The following RAPGEF2 variants were observed in gnomAD, a reference collection of about 807,000 sequenced individuals.
RAPGEF2 encodes the protein Rap guanine nucleotide exchange factor 2, also known as PDZ domain containing guanine nucleotide exchange factor (GEF) 1.
Under a neutral mutation model 186.7 loss-of-function variants are expected in RAPGEF2, and 54 were observed. The ratio of observed to expected loss-of-function variants is 0.29; its 90% CI spans 0.23 to 0.36. The LOEUF is 0.36. Ranked by LOEUF, RAPGEF2 falls within the 10% of genes least tolerant of loss-of-function variation. The probability of loss-of-function intolerance (pLI) is 1.00; values close to 1 mark genes in which losing one functional copy is unlikely to be tolerated. For synonymous variants in RAPGEF2, 712 were observed against 705.9 expected, an observed-to-expected ratio of 1.01 and a Z score of -0.14; for missense variants, 1,532 against 2,045.0, an observed-to-expected ratio of 0.75 and a Z score of 4.84.
intron 3 of RAPGEF2, among the ~76,000 whole-genome samples, chr4:159,203,382 AGAG>A (rs1015084243): frequency 2.0e-5 from 3 of 152,198 alleles, no homozygotes; most frequent in African/African-American, 7.2e-5. Context: ...CTTAAGAGTT[AGAG>A]GAGTTTAAAA....
intron 7 of RAPGEF2, among the ~76,000 whole-genome samples, chr4:159,246,303 T>G (rs1331167444): frequency 2.6e-5 from 4 of 152,138 alleles, no homozygotes; most frequent in African/African-American, 9.7e-5. Context: ...GAATGCCATA[T>G]AATATTAAAC....
At position 159,355,835 on chromosome 4, in the gene RAPGEF2, G is replaced by A. The variant is rs747074965; in HGVS notation, c.4652-18G>A. ...GCATGAACTAGTTTTTAATGCTGGT[G>A]CATTGTTTCTACTCTAGCACGAAAG... is the stretch of plus-strand genomic sequence containing the variant. On this transcript the variant is annotated intron_variant, in intron 28 of 29. Transcript: ENST00000691494. The A allele has an allele frequency of 1.4e-5, 21 of 1,528,930 alleles. No individual in the cohort carries two copies. The highest frequency in any genetic ancestry group is 1.1e-4 in the South Asian group (9 of 82,764). 94.7% of individuals were successfully genotyped at this position (1,528,930 alleles called of 1,614,324 possible).
chr4:159,323,343 C>G (rs989989632), intron 10 of RAPGEF2, 116 bp from the exon 11 acceptor site: 35 of 807,350 alleles, frequency 4.3e-5, no homozygotes, highest in African/African-American at 2.1e-4. Context: ...ACTTGAGTTA[C>G]TTGTTTTATC....
Position 159,358,229 on chromosome 4 carries a change from T to G in RAPGEF2, c.*90T>G, listed in dbSNP as rs1732331159. On this transcript the variant is annotated 3_prime_UTR_variant, in exon 30 of 30. Coordinates refer to ENST00000691494, the MANE Select transcript of RAPGEF2 (RefSeq NM_001394067.2). ...CATTGGAGCCTTGGAACTCACATTC[T>G]GAGGACGGTGGACCAGTTTGCCTCC... 1 of 1,363,950 alleles carries G rather than the reference T, an allele frequency of 7.3e-7. No homozygotes were observed. Among genetic ancestry groups the G allele is most frequent in the African/African-American group, 1.5e-5 (1 of 68,626 alleles). The allele number at this position is 1,363,950 out of a possible 1,614,324, so 84.5% of individuals were successfully genotyped here.
At chr4:159,202,496 G>A (rs966044771) in intron 3 of RAPGEF2, among the ~76,000 whole-genome samples, 1 of 152,142 alleles carries the variant, frequency 6.6e-6, no homozygotes, top group African/African-American at 2.4e-5. Context: ...TGAGCTGATG[G>A]TCTTCTAGGA....
intron 7 of RAPGEF2, among the ~76,000 whole-genome samples, chr4:159,254,225 A>G (rs1006569687): frequency 3.3e-5 from 5 of 152,350 alleles, no homozygotes; most frequent in Middle Eastern, 6.8e-3. Context: ...ATTGGTAATA[A>G]CAGTAGTTAC....
intron 1 of RAPGEF2, among the ~76,000 whole-genome samples, chr4:159,177,056 A>G (rs1746512615): frequency 6.6e-6 from 1 of 152,214 alleles, no homozygotes; most frequent in Admixed American, 6.5e-5. Flanking sequence ...AATCTTAAGG[A>G]TATGAGATTT....
chr4:159,225,483 A>AT (rs1218818213), intron 4 of RAPGEF2, among the ~76,000 whole-genome samples: 1 of 152,152 alleles, frequency 6.6e-6, no homozygotes, highest in Non-Finnish European at 1.5e-5. Context: ...GCTTTCCTTA[A>AT]TGTCTTGGAA....
intron 1 of RAPGEF2, among the ~76,000 whole-genome samples, chr4:159,168,735 AG>A (rs1745594437): frequency 6.6e-6 from 1 of 152,296 alleles, no homozygotes; most frequent in South Asian, 2.1e-4. Flanking sequence ...TATGCGTAGG[AG>A]GTACTCAGTA....
Position 159,307,850 on chromosome 4 carries a change from A to G in RAPGEF2, c.675+3377A>G, listed in dbSNP as rs138543237. ...GCCAGGTGTAGTGGTGCATGCCTAT[A>G]GTCCCAGCTACTCGGGAGGCTGAGG... On this transcript the variant is annotated intron_variant, in intron 8 of 29. Coordinates refer to ENST00000691494, the MANE Select transcript of RAPGEF2 (RefSeq NM_001394067.2). 3.2e-3 allele frequency among the ~76,000 whole-genome samples: 484 copies of G among 152,260 alleles called. 4 individuals carry two copies. Among genetic ancestry groups the G allele is most frequent in the African/African-American group, 0.011 (467 of 41,556 alleles).
intron 4 of RAPGEF2, among the ~76,000 whole-genome samples, chr4:159,214,359 GGCATCATTT>G (rs1750810038): frequency 2.0e-5 from 3 of 152,146 alleles, no homozygotes; most frequent in African/African-American, 7.2e-5. Context: ...TATTTTCAAA[GGCATCATTT>G]GCAACAGCTG....
chr4:159,197,360 T>A (rs1248212162), intron 3 of RAPGEF2, among the ~76,000 whole-genome samples: 1 of 152,192 alleles, frequency 6.6e-6, no homozygotes. Flanking sequence ...GTTTAATATA[T>A]AATTACATTT....
rs9993019 is a variant in RAPGEF2, at chr4:159,208,076, G to A, written c.198-2424G>A. Among the ~76,000 whole-genome samples, 1,257 of 152,172 alleles carry A rather than the reference G, an allele frequency of 8.3e-3. 16 individuals are homozygous for A. The highest frequency in any genetic ancestry group is 0.028 in the African/African-American group (1,183 of 41,510). ...CTGAACTCTTTGACAGTGCTTTTCC[G>A]TTATGTTTTCTTGAGGCATTGCTGT... On this transcript the variant is annotated intron_variant, in intron 3 of 29. Transcript: ENST00000691494.
At position 159,259,952 on chromosome 4, in the gene RAPGEF2, T is replaced by TCTAAA. The variant is rs574394470; in HGVS notation, c.543+16164_543+16165insAACTA. ...TTTTAAGGATGTTAAGAAGAAAACT[T>TCTAAA]CTATTGTCCTATTATCACTGTAGTT... On this transcript the variant is annotated intron_variant, in intron 7 of 29. Coordinates refer to ENST00000691494, the MANE Select transcript of RAPGEF2 (RefSeq NM_001394067.2). 3.5e-3 allele frequency among the ~76,000 whole-genome samples: 539 copies of TCTAAA among 152,188 alleles called. 4 individuals are homozygous for TCTAAA. The highest frequency in any genetic ancestry group is 0.012 in the African/African-American group (514 of 41,538).
In RAPGEF2 at chr4:159,218,099, A is replaced by G. The variant is rs370246344; in HGVS notation, c.281+7516A>G. Among the ~76,000 whole-genome samples, 51 of 152,320 alleles carry G rather than the reference A, an allele frequency of 3.3e-4. 1 individual carries two copies. In the South Asian group the frequency reaches 9.9e-3, roughly 30 times the overall value. ...TATGGCATTTTAAAAATAACTCACT[A>G]GTGAATTCTGTTACAGAAGGGTAAC... On this transcript the variant is annotated intron_variant, in intron 4 of 29. Transcript: ENST00000691494.
chr4:159,231,316 A>G (rs1752614351), intron 4 of RAPGEF2, among the ~76,000 whole-genome samples: 1 of 152,122 alleles, frequency 6.6e-6, no homozygotes, highest in South Asian at 2.1e-4. Context: ...TTCCCAGAAC[A>G]TATCTCCATT....
At chr4:159,131,519 A>ATTGTTTTTTTTTTTTTTTTTTTTTTTT in intron 1 of RAPGEF2, among the ~76,000 whole-genome samples, 4 of 37,212 alleles carry the variant, frequency 1.1e-4, no homozygotes, top group African/African-American at 2.4e-4. Context: ...ATTAATTGCT[A>ATTGTTTTTTTTTTTTTTTTTTTTTTTT]TTTTTTTTTT....
intron 4 of RAPGEF2, among the ~76,000 whole-genome samples, chr4:159,225,278 T>G (rs1751914293): frequency 1.3e-5 from 2 of 152,230 alleles, no homozygotes; most frequent in Non-Finnish European, 2.9e-5. Context: ...CAGAGTTGTC[T>G]CATGGTCTAT....
intron 11 of RAPGEF2, chr4:159,327,123 T>C (rs1766032132): frequency 6.6e-6 from 1 of 152,250 alleles, no homozygotes; most frequent in South Asian, 2.1e-4. Context: ...TTGATTACAC[T>C]ATATGTGGTT....
Sources: gnomAD v4.1 joint callset for allele counts (sites outside exome capture counted in the v4.1 genomes callset) on GRCh38, gnomAD v4.1.1 for gene constraint, MANE v1.5 for transcripts, NCBI Gene and HGNC (gene_info 2026-07-23, HGNC 2026-07-21) for gene names.